The following PTPRN2 variants were observed in gnomAD, a reference collection of about 807,000 sequenced individuals.
PTPRN2 encodes receptor-type tyrosine-protein phosphatase N2.
In PTPRN2, 74 loss-of-function variants were observed where a neutral mutation model predicts 118.8. The observed-to-expected ratio is 0.62, with a 90% confidence interval of 0.52 to 0.76. The LOEUF is 0.76. Among genes scored for constraint, PTPRN2 ranks in the 30% least tolerant of loss-of-function variants. The probability of loss-of-function intolerance (pLI) is 0.00; values close to 1 mark genes in which losing one functional copy is unlikely to be tolerated. For missense variants in PTPRN2, 1,481 were observed against 1,394.4 expected, an observed-to-expected ratio of 1.06 and a Z score of -0.99; for synonymous variants, 641 against 608.0, an observed-to-expected ratio of 1.05 and a Z score of -0.80.
At chr7:158,234,631 C>T (rs1193761924) in intron 3 of PTPRN2, among the ~76,000 whole-genome samples, 2 of 152,052 alleles carry the variant, frequency 1.3e-5, no homozygotes, top group Non-Finnish European at 2.9e-5. Flanking sequence ...CAGGTATAGT[C>T]ATCAAATAAA....
chr7:158,572,719 T>C (rs1828114220), intron 1 of PTPRN2, among the ~76,000 whole-genome samples: 1 of 152,220 alleles, frequency 6.6e-6, no homozygotes, highest in African/African-American at 2.4e-5. Flanking sequence ...GGTGCCAGGG[T>C]CATTGACTCC....
chr7:158,489,755 G>T lies in PTPRN2; in HGVS notation c.143C>A (p.Ala48Glu). Residue 48 changes from alanine (A) to glutamate (E), a missense_variant, in exon 2 of 23, where the codon GCG (alanine) becomes GAG (glutamate). Ala to Glu is a moderately radical substitution (Grantham distance 107). Coordinates refer to ENST00000389418, the MANE Select transcript of PTPRN2 (RefSeq NM_002847.5). The stretch of plus-strand genomic sequence containing the variant: ...CTCACCGTTCACACAGGCCTCGGAC[G>T]CTCCGCAGAGGCCCTCCTCGAGCAG... ...GCLLEEGLCG[A>E]SEACVNDGVF... 1 of 1,583,184 alleles carries T rather than the reference G, an allele frequency of 6.3e-7. No homozygotes were observed.
intron 11 of PTPRN2, among the ~76,000 whole-genome samples, chr7:157,941,993 T>TTCCAGAGGAGGTGATCTTGAGGCAC (rs1563259781): frequency 7.9e-5 from 12 of 151,638 alleles, no homozygotes; most frequent in African/African-American, 2.9e-4. Flanking sequence ...CAGCACACCT[T>TTCCAGAGGAGGTGATCTTGAGGCAC]CAAATATGGG....
intron 11 of PTPRN2, among the ~76,000 whole-genome samples, chr7:158,068,948 A>G (rs1810995941): frequency 6.6e-6 from 1 of 152,248 alleles, no homozygotes; most frequent in African/African-American, 2.4e-5. Flanking sequence ...ATATCAACAC[A>G]GATTGAAACT....
At chr7:158,032,199 C>G (rs1807738919) in intron 11 of PTPRN2, among the ~76,000 whole-genome samples, 1 of 152,232 alleles carries the variant, frequency 6.6e-6, no homozygotes. Context: ...ATTAACTTCC[C>G]ATTTTCAGCA....
intron 14 of PTPRN2, among the ~76,000 whole-genome samples, chr7:157,646,862 G>C (rs1232563734): frequency 6.6e-6 from 1 of 151,978 alleles, no homozygotes; most frequent in Non-Finnish European, 1.5e-5. Context: ...GAACTCAGTG[G>C]GTCGGACCCA....
intron 9 of PTPRN2, among the ~76,000 whole-genome samples, chr7:158,115,830 G>A (rs919243152): frequency 7.9e-5 from 12 of 152,168 alleles, no homozygotes; most frequent in South Asian, 2.1e-4. Flanking sequence ...TCAAACACAC[G>A]GAGTCTGTGT....
At position 157,703,541 on chromosome 7, in the gene PTPRN2, GTGGAGGGTAACTAC is replaced by G. The variant is rs1409135568; in HGVS notation, c.1789-20618_1789-20605del. On this transcript the variant is annotated intron_variant, in intron 12 of 22. Coordinates refer to ENST00000389418, the MANE Select transcript of PTPRN2 (RefSeq NM_002847.5). The stretch of plus-strand genomic sequence containing the variant: ...AAGTTTCGGGATAACTCGCTGTGCA[GTGGAGGGTAACTAC>G]TGGAGCTAGCAACGTCAAGCCGTCC... Among the ~76,000 whole-genome samples the G allele has an allele frequency of 6.9e-4, 105 of 151,612 alleles. 1 individual carries two copies. Among genetic ancestry groups the G allele is most frequent in the Non-Finnish European group, 1.8e-4 (12 of 67,636 alleles).
chr7:158,360,097 C>T lies in PTPRN2; in HGVS notation c.164-43165G>A, dbSNP rs1347190349. ...CCACATCCACCCTCACCCAGGATGA[C>T]GCACAGACCCCACATCCACCCTCAC... On this transcript the variant is annotated intron_variant, in intron 2 of 22. Transcript: ENST00000389418. 8.9e-5 allele frequency among the ~76,000 whole-genome samples: 12 copies of T among 135,238 alleles called. No homozygotes were observed. The South Asian group carries it at 1.3e-3, about 15-fold the overall frequency. 88.7% of individuals were successfully genotyped at this position (135,238 alleles called of 152,430 possible). A position where few individuals can be genotyped will look rare whatever the true frequency, so the allele number is the denominator to read the frequency against.
intron 21 of PTPRN2, among the ~76,000 whole-genome samples, chr7:157,565,391 G>A (rs1002335400): frequency 5.3e-5 from 8 of 152,226 alleles, no homozygotes; most frequent in African/African-American, 1.9e-4. Context: ...CAAAAGAAAT[G>A]AGTCACCCCA....
intron 2 of PTPRN2, among the ~76,000 whole-genome samples, chr7:158,362,122 A>C (rs1242198107): frequency 2.0e-5 from 3 of 152,198 alleles, no homozygotes; most frequent in Non-Finnish European, 4.4e-5. Context: ...CCCAGACTAG[A>C]AATGCAGAGA....
At chr7:157,722,154 C>T (rs1273698243) in intron 12 of PTPRN2, among the ~76,000 whole-genome samples, 2 of 152,226 alleles carry the variant, frequency 1.3e-5, no homozygotes, top group Non-Finnish European at 2.9e-5. Flanking sequence ...CAGCTCCCCA[C>T]GCCCTGGTCC....
At chr7:158,493,845 ACACT>A (rs1235889732) in intron 1 of PTPRN2, among the ~76,000 whole-genome samples, 7 of 151,450 alleles carry the variant, frequency 4.6e-5, no homozygotes, top group Admixed American at 6.6e-5. Context: ...ACACATGCAC[ACACT>A]CATACATGTG....
chr7:158,249,595 C>A (rs1187451803), intron 3 of PTPRN2, among the ~76,000 whole-genome samples: 1 of 152,188 alleles, frequency 6.6e-6, no homozygotes, highest in Non-Finnish European at 1.5e-5. Context: ...GCATCACACA[C>A]ATGCACCATA....
intron 11 of PTPRN2, among the ~76,000 whole-genome samples, chr7:157,900,908 A>G (rs1003758668): frequency 1.3e-5 from 2 of 152,192 alleles, no homozygotes; most frequent in Non-Finnish European, 2.9e-5. Context: ...ATACTGTCTT[A>G]GTCCATTTGT....
Position 158,350,872 on chromosome 7 carries a change from G to C in PTPRN2, c.164-33940C>G, listed in dbSNP as rs111595156. Reference sequence around the variant, plus strand: ...CAGAAAAAACCCTGATTTTCCAAAAGGGAAAAAAATGTTGGAATACAAATC... The same window carrying C: ...CAGAAAAAACCCTGATTTTCCAAAACGGAAAAAAATGTTGGAATACAAATC... On this transcript the variant is annotated intron_variant, in intron 2 of 22. Coordinates refer to ENST00000389418, the MANE Select transcript of PTPRN2 (RefSeq NM_002847.5). 5.0e-4 allele frequency among the ~76,000 whole-genome samples: 76 copies of C among 152,154 alleles called. 1 individual carries two copies. Among genetic ancestry groups the C allele is most frequent in the Non-Finnish European group, 1.0e-4 (7 of 68,028 alleles).
At chr7:158,249,218 A>C (rs929475941) in intron 3 of PTPRN2, among the ~76,000 whole-genome samples, 2 of 148,258 alleles carry the variant, frequency 1.3e-5, no homozygotes, top group South Asian at 2.1e-4. Flanking sequence ...ACCATACATA[A>C]ATGCATACAT....
chr7:158,185,662 C>A (rs555766893), intron 5 of PTPRN2, among the ~76,000 whole-genome samples: 1 of 152,176 alleles, frequency 6.6e-6, no homozygotes, highest in East Asian at 1.9e-4. Flanking sequence ...CATGACCACA[C>A]CAGCTTTCCT....
intron 3 of PTPRN2, among the ~76,000 whole-genome samples, chr7:158,232,360 T>C (rs1829213871): frequency 6.6e-6 from 1 of 151,850 alleles, no homozygotes; most frequent in Non-Finnish European, 1.5e-5. Flanking sequence ...CTAGAAGAAA[T>C]AGGTACATTC....
Sources: gnomAD v4.1 joint callset for allele counts (sites outside exome capture counted in the v4.1 genomes callset) on GRCh38, gnomAD v4.1.1 for gene constraint, MANE v1.5 for transcripts, NCBI Gene and HGNC (gene_info 2026-07-23, HGNC 2026-07-21) for gene names.